Variants in FRMD5 observed in about 807,000 individuals in gnomAD.
FRMD5 encodes FERM domain-containing protein 5.
A neutral mutation model predicts 69.0 loss-of-function variants in FRMD5; 20 were observed. That is an observed-to-expected ratio of 0.29 (90% confidence interval 0.20 to 0.42). The LOEUF is 0.42. Among genes scored for constraint, FRMD5 ranks in the 10% least tolerant of loss-of-function variants. The pLI is 1.00. For synonymous variants in FRMD5, 271 were observed against 260.1 expected (o/e 1.04, Z -0.40); for missense variants, 595 against 708.6 (o/e 0.84, Z 1.82).
In FRMD5 at chr15:43,954,080, G is replaced by A. The variant is rs1024273146; in HGVS notation, c.103-29771C>T. 5.3e-5 allele frequency among the ~76,000 whole-genome samples: 8 copies of A among 152,210 alleles called. No homozygotes were observed. The East Asian group carries it at 1.2e-3, about 22-fold the overall frequency. On this transcript the variant is annotated intron_variant, in intron 1 of 13. Transcript: ENST00000417257. ...GAAATCTGCCAGAGCTGAGCTGCAC[G>A]TGAGGGAAAGCAAGCTACCTGGCCA... is the stretch of plus-strand genomic sequence containing the variant.
intron 1 of FRMD5, among the ~76,000 whole-genome samples, chr15:44,135,769 G>C (rs140887521): frequency 3.4e-5 from 5 of 146,918 alleles, no homozygotes; most frequent in Admixed American, 6.9e-5. Context: ...AGGTTGCAGT[G>C]AGCCGAGATC....
At chr15:44,167,153 G>C (rs2077723738) in intron 1 of FRMD5, among the ~76,000 whole-genome samples, 1 of 152,046 alleles carries the variant, frequency 6.6e-6, no homozygotes, top group Non-Finnish European at 1.5e-5. Flanking sequence ...CAGAGCGCTG[G>C]ATTAAGAAAA....
At chr15:44,013,451 G>A (rs879671874) in intron 1 of FRMD5, among the ~76,000 whole-genome samples, 2 of 152,156 alleles carry the variant, frequency 1.3e-5, no homozygotes, top group African/African-American at 4.8e-5. Context: ...GTCAAATCAT[G>A]GACTTAACCA....
At chr15:44,194,841 G>C (rs1306100267) in intron 1 of FRMD5, 112 bp downstream of exon 1, 1 of 919,798 alleles carries the variant, frequency 1.1e-6, no homozygotes. Context: ...AACGGACAAA[G>C]CACGGCGCTG....
At chr15:43,975,196 G>C (rs1056730905) in intron 1 of FRMD5, among the ~76,000 whole-genome samples, 1 of 152,212 alleles carries the variant, frequency 6.6e-6, no homozygotes, top group African/African-American at 2.4e-5. Flanking sequence ...AGTCATCTAA[G>C]CTAGAATATG....
chr15:44,007,675 C>T (rs1204076008), intron 1 of FRMD5, among the ~76,000 whole-genome samples: 8 of 52,020 alleles, frequency 1.5e-4, no homozygotes, highest in Admixed American at 3.4e-4. Context: ...GACAGAGTTT[C>T]GCTCTTGTTG....
chr15:44,168,060 A>G (rs2077739527), intron 1 of FRMD5, among the ~76,000 whole-genome samples: 1 of 152,258 alleles, frequency 6.6e-6, no homozygotes, highest in African/African-American at 2.4e-5. Flanking sequence ...TCCATTACCA[A>G]TCAATCAATA....
intron 5 of FRMD5, among the ~76,000 whole-genome samples, chr15:43,908,310 A>G (rs2089218506): frequency 6.9e-6 from 1 of 144,114 alleles, no homozygotes; most frequent in African/African-American, 2.5e-5. Context: ...CCTAGGGGAC[A>G]GAGCCAGATC....
At position 43,993,609 on chromosome 15, in the gene FRMD5, C is replaced by T. The variant is rs145133683; in HGVS notation, c.103-69300G>A. Among the ~76,000 whole-genome samples, 202 of 152,316 alleles carry T rather than the reference C, an allele frequency of 1.3e-3. 3 individuals are homozygous for T. Among genetic ancestry groups the T allele is most frequent in the African/African-American group, 4.7e-3 (195 of 41,568 alleles). Reference sequence around the variant, plus strand: ...TGTTAGGTCCATTCGATGTAAAGTACAGTTTAAGTCCAATGCTTCCTTATT... The same window carrying T: ...TGTTAGGTCCATTCGATGTAAAGTATAGTTTAAGTCCAATGCTTCCTTATT... On this transcript the variant is annotated intron_variant, in intron 1 of 13. Coordinates refer to ENST00000417257, the MANE Select transcript of FRMD5 (RefSeq NM_032892.5).
intron 1 of FRMD5, among the ~76,000 whole-genome samples, chr15:43,963,402 A>C (rs1174543313): frequency 1.3e-5 from 2 of 152,180 alleles, no homozygotes; most frequent in Admixed American, 6.5e-5. Flanking sequence ...AAAAGTCAGG[A>C]AACAACAGGT....
intron 1 of FRMD5, among the ~76,000 whole-genome samples, chr15:43,997,164 GA>G (rs1889972126): frequency 1.3e-5 from 2 of 152,138 alleles, no homozygotes; most frequent in African/African-American, 4.8e-5. Flanking sequence ...GCTAGCACCA[GA>G]AAGAAAATGA....
intron 13 of FRMD5, among the ~76,000 whole-genome samples, chr15:43,878,731 T>C (rs1015423886): frequency 6.6e-6 from 1 of 152,098 alleles, no homozygotes; most frequent in African/African-American, 2.4e-5. Context: ...CAGCTCTGAC[T>C]GCAGGATCTT....
intron 1 of FRMD5, among the ~76,000 whole-genome samples, chr15:44,062,972 A>G (rs1032130895): frequency 3.9e-5 from 6 of 152,234 alleles, no homozygotes; most frequent in African/African-American, 1.4e-4. Context: ...ACTGATGAAT[A>G]TATCTATCCT....
intron 1 of FRMD5, among the ~76,000 whole-genome samples, chr15:44,009,847 G>A (rs920646812): frequency 6.6e-6 from 1 of 152,120 alleles, no homozygotes; most frequent in Non-Finnish European, 1.5e-5. Flanking sequence ...TACCCTTAAA[G>A]TTCCCTGTTT....
Position 44,025,439 on chromosome 15 carries a change from T to TAC in FRMD5, c.103-101132_103-101131dup, listed in dbSNP as rs1891390423. ...GAGAATGTACACACACACATATATA[T>TAC]ACACACACACAAATATATGTAATTA... On this transcript the variant is annotated intron_variant, in intron 1 of 13. Transcript: ENST00000417257. Among the ~76,000 whole-genome samples, 5 of 152,144 alleles carry TAC rather than the reference T, an allele frequency of 3.3e-5. No homozygotes were observed. The South Asian group carries it at 1.0e-3, about 32-fold the overall frequency.
At chr15:43,945,340 T>TA (rs1207340625) in intron 1 of FRMD5, among the ~76,000 whole-genome samples, 1 of 152,052 alleles carries the variant, frequency 6.6e-6, no homozygotes, top group African/African-American at 2.4e-5. Flanking sequence ...CTCCCTTCAT[T>TA]AAAAATGTCA....
rs180715485 is a variant in FRMD5, at chr15:44,055,686, C to A, written c.103-131377G>T. ...AAACATTCTTAAAGTAGCTGTGGTG[C>A]TCTGTGGTACAAGGTAGATGTGGCA... On this transcript the variant is annotated intron_variant, in intron 1 of 13. Transcript: ENST00000417257. 2.0e-5 allele frequency among the ~76,000 whole-genome samples: 3 copies of A among 152,268 alleles called. No individual in the cohort carries two copies. In the East Asian group the frequency reaches 5.8e-4, roughly 29 times the overall value.
At position 43,888,846 on chromosome 15, in the gene FRMD5, T is replaced by G. The variant is rs2088727352; in HGVS notation, c.755A>C (p.Glu252Ala). 1 of 1,613,876 alleles carries G rather than the reference T, an allele frequency of 6.2e-7. No homozygotes were observed. The highest frequency in any genetic ancestry group is 1.3e-5 in the African/African-American group (1 of 74,898). Residue 252 changes from glutamate to alanine, a missense_variant, in exon 9 of 14, where the codon GAA becomes GCA. This residue lies in a region of FRMD5 where 176 missense variants were observed against 266.3 expected (regional missense o/e 0.66). Coordinates refer to ENST00000417257, the MANE Select transcript of FRMD5 (RefSeq NM_032892.5). ...TACGTATAAATAGAAAGTCTTTCCT[T>G]CAAATTTCAGCTTGGTCACCTCATT... ...KWNEVTKLKFEGKTFYLYVSQ... is the reference protein window; with the variant it reads ...KWNEVTKLKFAGKTFYLYVSQ...
Position 44,146,462 on chromosome 15 carries a change from T to G in FRMD5, c.102+48491A>C, listed in dbSNP as rs531324256. ...ACTAGTGCTGCAGTGAACATACATG[T>G]GCATGTATCTTTATAACAGAAAGAT... On this transcript the variant is annotated intron_variant, in intron 1 of 13. Coordinates refer to ENST00000417257, the MANE Select transcript of FRMD5 (RefSeq NM_032892.5). 2.0e-5 allele frequency among the ~76,000 whole-genome samples: 3 copies of G among 152,296 alleles called. No individual in the cohort carries two copies. In the South Asian group the frequency reaches 6.2e-4, roughly 32 times the overall value.
Sources: allele counts gnomAD v4.1 joint callset (sites outside exome capture counted in the v4.1 genomes callset), GRCh38; gene constraint gnomAD v4.1.1; regional missense constraint gnomAD v4.1.1; transcripts MANE v1.5; gene names NCBI Gene and HGNC (gene_info 2026-07-23, HGNC 2026-07-21).